EYA4: variants seen among roughly 807,000 people sequenced by gnomAD.
EYA4 encodes the protein EYA transcriptional coactivator and phosphatase 4.
Under a neutral mutation model 87.9 loss-of-function variants are expected in EYA4, and 31 were observed. The observed-to-expected ratio is 0.35, with a 90% CI of 0.27 to 0.48. The LOEUF is 0.48. Among genes scored for constraint, EYA4 ranks in the 20% least tolerant of loss-of-function variants. EYA4 has a pLI of 0.99. For synonymous variants in EYA4, 263 were observed against 270.6 expected, an observed-to-expected ratio of 0.97 and a Z score of 0.28; for missense variants, 678 against 761.4, an observed-to-expected ratio of 0.89 and a Z score of 1.29.
chr6:133,468,012 A>G (rs555819022), intron 10 of EYA4, among the ~76,000 whole-genome samples: 2 of 152,100 alleles, frequency 1.3e-5, no homozygotes, highest in African/African-American at 4.8e-5. Context: ...AGTTTGTGAG[A>G]GGCTGGGTAA....
chr6:133,402,849 A>G (rs1257868912), intron 3 of EYA4, among the ~76,000 whole-genome samples: 2 of 152,182 alleles, frequency 1.3e-5, no homozygotes, highest in Admixed American at 6.5e-5. Flanking sequence ...GTAACAGGGG[A>G]CAAGACCAGT....
intron 7 of EYA4, among the ~76,000 whole-genome samples, chr6:133,461,810 CTTT>C (rs11450141): frequency 2.3e-5 from 3 of 129,926 alleles, no homozygotes; most frequent in African/African-American, 8.7e-5. Flanking sequence ...AATGATGTTC[CTTT>C]TTTTTTTTTT....
intron 2 of EYA4, among the ~76,000 whole-genome samples, chr6:133,332,711 A>ATTTTTTTTTTTTTTTTTTTTT (rs71003634): frequency 8.0e-6 from 1 of 124,892 alleles, no homozygotes; most frequent in Non-Finnish European, 1.6e-5. Flanking sequence ...GCCCAGCTAA[A>ATTTTTTTTTTTTTTTTTTTTT]TTTTTTTTTT....
intron 17 of EYA4, 49 bp from the exon 18 acceptor site, chr6:133,523,007 A>T: frequency 6.7e-7 from 1 of 1,492,350 alleles, no homozygotes; most frequent in Non-Finnish European, 9.3e-7. Flanking sequence ...ATCTATTAGA[A>T]GTTATTTAGT....
chr6:133,369,324 C>G (rs1785091557), intron 2 of EYA4, among the ~76,000 whole-genome samples: 1 of 151,978 alleles, frequency 6.6e-6, no homozygotes, highest in African/African-American at 2.4e-5. Flanking sequence ...TTTATCTATT[C>G]TTGTTTCATT....
chr6:133,405,596 T>C lies in EYA4; in HGVS notation c.83+23155T>C, dbSNP rs377078516. ...ATTAATTCAACAGTTATTTATTGAATGTCAATTATGTTCCAGGCACAATTT... is the reference window on the plus strand; with the variant it reads ...ATTAATTCAACAGTTATTTATTGAACGTCAATTATGTTCCAGGCACAATTT... On this transcript the variant is annotated intron_variant, in intron 3 of 19. Coordinates refer to ENST00000355286, the MANE Select transcript of EYA4 (RefSeq NM_004100.5). 8.5e-4 allele frequency among the ~76,000 whole-genome samples: 129 copies of C among 152,330 alleles called. 3 individuals are homozygous for C. In the South Asian group the frequency reaches 0.025, roughly 30 times the overall value.
chr6:133,334,710 T>C (rs1782233787), intron 2 of EYA4, among the ~76,000 whole-genome samples: 1 of 152,212 alleles, frequency 6.6e-6, no homozygotes, highest in Non-Finnish European at 1.5e-5. Flanking sequence ...CACCAAATTC[T>C]TTATAAAATA....
intron 10 of EYA4, among the ~76,000 whole-genome samples, 178 bp downstream of exon 10, chr6:133,465,036 TC>T (rs1794730490): frequency 6.6e-6 from 1 of 152,182 alleles, no homozygotes; most frequent in African/African-American, 2.4e-5. Flanking sequence ...TATGCATTAT[TC>T]TGGCTATTTT....
At chr6:133,524,510 A>G (rs535498583) in intron 18 of EYA4, among the ~76,000 whole-genome samples, 1 of 152,166 alleles carries the variant, frequency 6.6e-6, no homozygotes, top group Non-Finnish European at 1.5e-5. Flanking sequence ...TGTTGTCAGT[A>G]CTGTGGCCCA....
rs938563120 is a variant in EYA4, at chr6:133,531,820, T to C, written c.*3015T>C. On this transcript the variant is annotated 3_prime_UTR_variant, in exon 20 of 20. Coordinates refer to ENST00000355286, the MANE Select transcript of EYA4 (RefSeq NM_004100.5). ...TCAACAGCATGCTCCTATATGAAGT[T>C]GTTTTTTTTAAAGCACATTTGTTTA... 1.3e-5 allele frequency: 2 copies of C among 152,242 alleles called. No individual in the cohort carries two copies. The highest frequency in any genetic ancestry group is 4.8e-5 in the African/African-American group (2 of 41,462). The allele number at this position is 152,242 out of a possible 1,614,324, so 9.4% of individuals were successfully genotyped here. A position where few individuals can be genotyped will look rare whatever the true frequency, so the allele number is the denominator to read the frequency against.
intron 2 of EYA4, among the ~76,000 whole-genome samples, chr6:133,279,895 A>G (rs912406456): frequency 6.6e-6 from 1 of 152,212 alleles, no homozygotes; most frequent in African/African-American, 2.4e-5. Flanking sequence ...GTGTTTAAAC[A>G]GTATGCTAGA....
At position 133,481,606 on chromosome 6, in the gene EYA4, C is replaced by G. The variant is rs1377200434; in HGVS notation, c.1107+7C>G. ...TCCTGATAGTGACCTGGAGGTATGCCTACTCATTCTTAAAGATTGTAGTGT... is the reference window on the plus strand; with the variant it reads ...TCCTGATAGTGACCTGGAGGTATGCGTACTCATTCTTAAAGATTGTAGTGT... On this transcript the variant is annotated splice_region_variant and intron_variant, in intron 12 of 19. Transcript: ENST00000355286. 5.0e-6 allele frequency: 8 copies of G among 1,613,606 alleles called. No homozygotes were observed. Among genetic ancestry groups the G allele is most frequent in the Non-Finnish European group, 5.9e-6 (7 of 1,179,586 alleles).
In EYA4 at chr6:133,498,958, C is replaced by T. The variant is rs187475164; in HGVS notation, c.1192-7148C>T. On this transcript the variant is annotated intron_variant, in intron 13 of 19. Coordinates refer to ENST00000355286, the MANE Select transcript of EYA4 (RefSeq NM_004100.5). ...ATTCCTAACTTTTATTTAAGCCCATCTTTAGCAAGTAATTGCTGGAATTAT... is the reference window on the plus strand; with the variant it reads ...ATTCCTAACTTTTATTTAAGCCCATTTTTAGCAAGTAATTGCTGGAATTAT... Among the ~76,000 whole-genome samples, 195 of 152,288 alleles carry T rather than the reference C, an allele frequency of 1.3e-3. 2 individuals are homozygous for T. Among genetic ancestry groups the T allele is most frequent in the African/African-American group, 4.3e-3 (177 of 41,560 alleles).
intron 2 of EYA4, among the ~76,000 whole-genome samples, chr6:133,291,406 TATAAG>T (rs1173007261): frequency 6.6e-6 from 1 of 152,226 alleles, no homozygotes; most frequent in African/African-American, 2.4e-5. Context: ...TCATAAATCT[TATAAG>T]ATGTATGTAT....
At chr6:133,362,460 A>C (rs1784520206) in intron 2 of EYA4, among the ~76,000 whole-genome samples, 1 of 151,780 alleles carries the variant, frequency 6.6e-6, no homozygotes, top group South Asian at 2.1e-4. Context: ...GTTGCCTCGC[A>C]AAACTCTCAT....
At chr6:133,301,190 A>G (rs941787475) in intron 2 of EYA4, among the ~76,000 whole-genome samples, 3 of 152,222 alleles carry the variant, frequency 2.0e-5, no homozygotes, top group African/African-American at 7.2e-5. Context: ...AGTATATTAA[A>G]CCATCTTGAT....
chr6:133,473,238 A>G (rs1439725761), intron 11 of EYA4, among the ~76,000 whole-genome samples: 1 of 152,076 alleles, frequency 6.6e-6, no homozygotes, highest in Non-Finnish European at 1.5e-5. Flanking sequence ...TAACTGGACC[A>G]GTGGGGCCAA....
chr6:133,528,089 T>C (rs1319610320), intron 19 of EYA4, among the ~76,000 whole-genome samples: 1 of 152,216 alleles, frequency 6.6e-6, no homozygotes, highest in Non-Finnish European at 1.5e-5. Context: ...TGGAGATATC[T>C]TCCCCATTGA....
Position 133,241,534 on chromosome 6 carries a change from C to G in EYA4, c.-281C>G, listed in dbSNP as rs1387223637. The G allele has an allele frequency of 6.6e-6, 1 of 152,398 alleles. No homozygotes were observed. The highest frequency in any genetic ancestry group is 2.4e-5 in the African/African-American group (1 of 41,456). 9.4% of individuals were successfully genotyped at this position (152,398 alleles called of 1,614,324 possible). ...TGGCTCCTCTCCTTTCCTCCTCCCC[C>G]TCGGAGCCGGCTTCTCCCTCCGCCC... On this transcript the variant is annotated 5_prime_UTR_variant, in exon 1 of 20. Coordinates refer to ENST00000355286, the MANE Select transcript of EYA4 (RefSeq NM_004100.5).
Sources: allele counts gnomAD v4.1 joint callset (sites outside exome capture counted in the v4.1 genomes callset), GRCh38; gene constraint gnomAD v4.1.1; transcripts MANE v1.5; gene names NCBI Gene and HGNC (gene_info 2026-07-23, HGNC 2026-07-21).